NCKAP5: variants seen among roughly 807,000 people sequenced by gnomAD.
NCKAP5 encodes the protein nck-associated protein 5.
In NCKAP5, 92 loss-of-function variants were observed where a neutral mutation model predicts 167.0. That is an observed-to-expected ratio of 0.55 (90% CI 0.47 to 0.66). The LOEUF is 0.66. Among genes scored for constraint, NCKAP5 ranks in the 30% least tolerant of loss-of-function variants. The probability of loss-of-function intolerance (pLI) is 0.00; values close to 1 mark genes in which losing one functional copy is unlikely to be tolerated. For synonymous variants in NCKAP5, 891 were observed against 877.4 expected, an observed-to-expected ratio of 1.02 and a Z score of -0.27; for missense variants, 2,378 against 2,315.0, an observed-to-expected ratio of 1.03 and a Z score of -0.56.
intron 2 of NCKAP5, among the ~76,000 whole-genome samples, chr2:133,558,704 C>CAAAAAAAAAAA (rs60051493): frequency 0.023 from 1,158 of 50,858 alleles, 244 homozygotes; most frequent in South Asian, 0.044. Context: ...ATGTGCTGAG[C>CAAAAAAAAAAA]AAAAAAAAAA....
intron 6 of NCKAP5, among the ~76,000 whole-genome samples, chr2:133,006,629 T>C (rs939149453): frequency 3.5e-4 from 53 of 150,466 alleles, no homozygotes; most frequent in Non-Finnish European, 6.2e-4. Context: ...TTATTTTATT[T>C]TTTTTTTGAC....
chr2:133,369,198 T>C (rs1685642223), intron 3 of NCKAP5, among the ~76,000 whole-genome samples: 1 of 152,186 alleles, frequency 6.6e-6, no homozygotes, highest in Non-Finnish European at 1.5e-5. Flanking sequence ...GCACTTAAAC[T>C]GCATGAATGT....
intron 6 of NCKAP5, among the ~76,000 whole-genome samples, chr2:133,128,603 T>A (rs1037791449): frequency 6.6e-6 from 1 of 152,026 alleles, no homozygotes; most frequent in Admixed American, 6.5e-5. Context: ...TCTCTCTTTT[T>A]TTTTTTGTTT....
At chr2:133,112,291 G>A (rs1036028873) in intron 6 of NCKAP5, among the ~76,000 whole-genome samples, 2 of 152,050 alleles carry the variant, frequency 1.3e-5, no homozygotes, top group Non-Finnish European at 1.5e-5. Flanking sequence ...TGGCTAACAC[G>A]GTGAAACCCC....
the NCKAP5 span, among the ~76,000 whole-genome samples, chr2:133,642,526 G>T: frequency 6.6e-6 from 1 of 152,152 alleles, no homozygotes; most frequent in East Asian, 1.9e-4. Context: ...GGAGGGGAAG[G>T]AAAATGTGGT....
intron 5 of NCKAP5, 110 bp from the exon 6 acceptor site, chr2:133,130,221 T>C (rs1448740219): frequency 1.6e-6 from 2 of 1,222,048 alleles, no homozygotes; most frequent in Non-Finnish European, 1.1e-6. Context: ...ATTTCATCCT[T>C]TGAACAACCC....
chr2:133,633,019 T>C, the NCKAP5 span, among the ~76,000 whole-genome samples: 1 of 152,186 alleles, frequency 6.6e-6, no homozygotes, highest in Admixed American at 6.5e-5. Context: ...TTTGGGGCAC[T>C]CCTCAGAAGG....
intron 5 of NCKAP5, among the ~76,000 whole-genome samples, chr2:133,165,802 C>T (rs888832498): frequency 2.0e-5 from 3 of 152,116 alleles, no homozygotes; most frequent in African/African-American, 4.8e-5. Flanking sequence ...TGGTAGAAAT[C>T]CTAAGCCTTT....
chr2:133,455,489 T>G (rs541731175), intron 3 of NCKAP5, among the ~76,000 whole-genome samples: 83 of 152,212 alleles, frequency 5.5e-4, no homozygotes, highest in Non-Finnish European at 1.0e-3. Flanking sequence ...TTCAGCATGC[T>G]CTACCCAGTG....
intron 3 of NCKAP5, among the ~76,000 whole-genome samples, chr2:133,447,665 C>A (rs1691290478): frequency 6.9e-6 from 1 of 144,332 alleles, no homozygotes; most frequent in South Asian, 2.2e-4. Context: ...CTTTTCTTTT[C>A]TTTTTGTAGA....
chr2:132,895,041 C>T (rs544200073), intron 8 of NCKAP5, among the ~76,000 whole-genome samples: 2 of 152,138 alleles, frequency 1.3e-5, no homozygotes, highest in South Asian at 4.2e-4. Context: ...CCTAAAAAAT[C>T]GAAATAAGGG....
chr2:133,496,319 T>G (rs2151373351), intron 3 of NCKAP5, among the ~76,000 whole-genome samples: 1 of 152,350 alleles, frequency 6.6e-6, no homozygotes, highest in East Asian at 1.9e-4. Context: ...AAAGTTCCAT[T>G]TCTCATTATC....
At chr2:133,062,144 T>A (rs1279875492) in intron 6 of NCKAP5, among the ~76,000 whole-genome samples, 1 of 152,238 alleles carries the variant, frequency 6.6e-6, no homozygotes, top group Non-Finnish European at 1.5e-5. Context: ...TAAGGAATTA[T>A]AATGGACATG....
At chr2:133,137,406 TTGTGTGTGTGTGTG>T (rs58955655) in intron 5 of NCKAP5, among the ~76,000 whole-genome samples, 3,145 of 136,304 alleles carry the variant, frequency 0.023, 64 homozygotes, top group Middle Eastern at 0.062. Context: ...GAGCTTGGTT[TTGTGTGTGTGTGTG>T]TGTGTGTGTG....
intron 6 of NCKAP5, among the ~76,000 whole-genome samples, chr2:133,083,338 G>C (rs527351999): frequency 1.3e-5 from 2 of 152,192 alleles, no homozygotes; most frequent in East Asian, 3.9e-4. Context: ...TCCACTCAGG[G>C]GCTTGCTCAG....
chr2:133,140,786 A>G (rs940246964), intron 5 of NCKAP5, among the ~76,000 whole-genome samples: 4 of 148,946 alleles, frequency 2.7e-5, no homozygotes, highest in African/African-American at 9.8e-5. Flanking sequence ...AATATAATAA[A>G]TTATATTAAC....
chr2:133,571,331 A>G (rs1688859313), upstream of NCKAP5, among the ~76,000 whole-genome samples: 1 of 152,054 alleles, frequency 6.6e-6, no homozygotes, highest in Non-Finnish European at 1.5e-5. Flanking sequence ...ATTTAGCTAG[A>G]CTTACGACTT....
chr2:133,026,378 GTTTT>G (rs34476973), intron 6 of NCKAP5, among the ~76,000 whole-genome samples: 5 of 144,062 alleles, frequency 3.5e-5, no homozygotes, highest in East Asian at 2.1e-4. Flanking sequence ...CTGTTCTAGT[GTTTT>G]TTTTTTTTTT....
At chr2:133,342,792 G>C (rs1044825832) in intron 3 of NCKAP5, among the ~76,000 whole-genome samples, 2 of 152,184 alleles carry the variant, frequency 1.3e-5, no homozygotes, top group Non-Finnish European at 2.9e-5. Flanking sequence ...TGGCTGCAAT[G>C]TCTGAAAACA....
Sources: gnomAD v4.1 joint callset for allele counts (sites outside exome capture counted in the v4.1 genomes callset) on GRCh38, gnomAD v4.1.1 for gene constraint, MANE v1.5 for transcripts, NCBI Gene and HGNC (gene_info 2026-07-23, HGNC 2026-07-21) for gene names.